The following ABCC6 variants were observed in gnomAD, a reference collection of about 807,000 sequenced individuals.
ABCC6 encodes ATP binding cassette subfamily C member 6.
In ABCC6, 126 loss-of-function variants were observed where a neutral mutation model predicts 169.5. The ratio of observed to expected loss-of-function variants is 0.74; its 90% CI spans 0.64 to 0.86. The LOEUF (loss-of-function observed/expected upper bound fraction) is 0.86. Among genes scored for constraint, ABCC6 ranks in the 40% least tolerant of loss-of-function variants. The pLI, the probability that ABCC6 is intolerant of heterozygous loss-of-function variation, is 0.00. For missense variants in ABCC6, 1,733 were observed against 1,927.2 expected (o/e 0.90, Z 1.89); for synonymous variants, 752 against 814.7 (o/e 0.92, Z 1.31).
Position 16,190,367 on chromosome 16 carries a change from C to A in ABCC6, c.1432G>T (p.Glu478Ter). The change falls in exon 12 of 31, where the codon GAG becomes TAG. Residue 478 changes from glutamate to a stop codon, truncating the protein, a stop_gained and splice_region_variant. Transcript: ENST00000205557. LOFTEE classifies it high-confidence loss of function. ...GAGTCCTTCTGCCTCATTTGCTCCT[C>A]CTGGGATCGGAGGGAAAAAGAGAGA... is the stretch of plus-strand genomic sequence containing the variant. ...FISKKRNHHQ[E>*]EQMRQKDSRA... 6.2e-7 allele frequency: 1 copy of A among 1,614,130 alleles called. No homozygotes were observed. Among genetic ancestry groups the A allele is most frequent in the Admixed American group, 1.7e-5 (1 of 60,016 alleles).
At chr16:16,155,178 C>T in intron 27 of ABCC6, 147 bp from the exon 28 acceptor site, 4 of 922,592 alleles carry the variant, frequency 4.3e-6, no homozygotes, top group Non-Finnish European at 3.2e-6. Flanking sequence ...ATCTGTCTAC[C>T]TTTCTATATA....
rs951701628 is a variant in ABCC6, at chr16:16,168,144, T to C, written c.2995+1502A>G. Among the ~76,000 whole-genome samples the C allele has an allele frequency of 1.2e-4, 5 of 40,006 alleles. No individual in the cohort carries two copies. The Admixed American group carries it at 1.6e-3, about 13-fold the overall frequency. 26.2% of individuals were successfully genotyped at this position (40,006 alleles called of 152,430 possible). ...CACAGCATTTTGGTGATGTGGCCAA[T>C]GTCACCCAGTGAATGAGGACGAATC... is the stretch of plus-strand genomic sequence containing the variant. On this transcript the variant is annotated intron_variant, in intron 22 of 30. Coordinates refer to ENST00000205557, the MANE Select transcript of ABCC6 (RefSeq NM_001171.6).
chr16:16,190,995 CAG>C (rs1479817705), intron 11 of ABCC6, among the ~76,000 whole-genome samples: 1 of 150,892 alleles, frequency 6.6e-6, no homozygotes, highest in Non-Finnish European at 1.5e-5. Flanking sequence ...AGAGGACACT[CAG>C]TGTGACCAGA....
chr16:16,177,501 G>C lies in ABCC6; in HGVS notation c.2541C>G (p.Leu847=). The change falls in exon 19 of 31, where the codon CTC becomes CTG. Residue 847 remains leucine (L), a synonymous_variant. Coordinates refer to ENST00000205557, the MANE Select transcript of ABCC6 (RefSeq NM_001171.6). ...YQELLQRKGA[L]MCLLDQARQP... The stretch of plus-strand genomic sequence containing the variant: ...GTCTGGCTTGATCCAGAAGACACAT[G>C]AGGGCCCCCTTCCTCTGCAGAAGCT... The C allele has an allele frequency of 6.2e-7, 1 of 1,613,816 alleles. No individual in the cohort carries two copies. Among genetic ancestry groups the C allele is most frequent in the Non-Finnish European group, 8.5e-7 (1 of 1,179,832 alleles).
Position 16,149,684 on chromosome 16 carries a change from C to T in ABCC6, c.*449G>A, listed in dbSNP as rs897169316. The T allele has an allele frequency of 4.1e-5, 12 of 295,192 alleles. No homozygotes were observed. Among genetic ancestry groups the T allele is most frequent in the South Asian group, 7.3e-5 (1 of 13,684 alleles). 18.3% of individuals were successfully genotyped at this position (295,192 alleles called of 1,614,324 possible). On this transcript the variant is annotated 3_prime_UTR_variant, in exon 31 of 31. Transcript: ENST00000205557. Reference sequence around the variant, plus strand: ...TGGGTGAAATGGGGTACCAAGTACACGAATCTCTCTATATTATTGTTTCTT... The same window carrying T: ...TGGGTGAAATGGGGTACCAAGTACATGAATCTCTCTATATTATTGTTTCTT...
rs546357270 is a variant in ABCC6 at position 16,169,551 on chromosome 16, G to A, written c.2995+95C>T. 18 of 1,418,568 alleles carry A rather than the reference G, an allele frequency of 1.3e-5. No individual in the cohort carries two copies. In the Middle Eastern group the frequency reaches 7.3e-4, roughly 57 times the overall value. 87.9% of individuals were successfully genotyped at this position (1,418,568 alleles called of 1,614,324 possible). A position where few individuals can be genotyped will look rare whatever the true frequency, so the allele number is the denominator to read the frequency against. ...GACGTTTTGCACACTGTTCCAGGGGGACAGGGTGACCCAGGGAGGGGTGGG... is the reference window on the plus strand; with the variant it reads ...GACGTTTTGCACACTGTTCCAGGGGAACAGGGTGACCCAGGGAGGGGTGGG... On this transcript the variant is annotated intron_variant, in intron 22 of 30. Coordinates refer to ENST00000205557, the MANE Select transcript of ABCC6 (RefSeq NM_001171.6).
chr16:16,179,731 C>T (rs1182789385), intron 17 of ABCC6, among the ~76,000 whole-genome samples: 2 of 152,176 alleles, frequency 1.3e-5, no homozygotes, highest in African/African-American at 4.8e-5. Context: ...GCTGGAATTA[C>T]AGGCACCCAC....
chr16:16,179,026 C>A, intron 17 of ABCC6, 61 bp from the exon 18 acceptor site: 1 of 1,565,470 alleles, frequency 6.4e-7, no homozygotes, highest in East Asian at 2.3e-5. Flanking sequence ...CTGGGGTGCC[C>A]AGGCTGTGGC....
At chr16:16,190,447 C>A (rs1015036939) in intron 11 of ABCC6, 80 bp from the exon 12 acceptor site, 3 of 1,506,056 alleles carry the variant, frequency 2.0e-6, no homozygotes, top group Non-Finnish European at 2.7e-6. Flanking sequence ...CACCCTTCAG[C>A]AAATCCCATT....
intron 26 of ABCC6, 152 bp from the exon 27 acceptor site, chr16:16,157,961 G>A: frequency 1.2e-6 from 1 of 845,092 alleles, no homozygotes. Context: ...ACAAGAGAGG[G>A]CATGGACTAT....
chr16:16,207,020 G>A (rs2048413777), intron 7 of ABCC6, among the ~76,000 whole-genome samples: 1 of 152,182 alleles, frequency 6.6e-6, no homozygotes. Context: ...CACGCCTGTG[G>A]TCCCAGCTAC....
rs1474190534 is a variant in ABCC6, at chr16:16,204,681, G to A, written c.795-1068C>T. Among the ~76,000 whole-genome samples, 5 of 152,188 alleles carry A rather than the reference G, an allele frequency of 3.3e-5. No individual in the cohort carries two copies. In the East Asian group the frequency reaches 9.6e-4, roughly 29 times the overall value. On this transcript the variant is annotated intron_variant, in intron 7 of 30. Coordinates refer to ENST00000205557, the MANE Select transcript of ABCC6 (RefSeq NM_001171.6). Reference sequence around the variant, plus strand: ...CCTGGGCCAGAAAGGAGAGGCTGGGGCGATGCAGCTGCTGACAGTCCGGTT... The same window carrying A: ...CCTGGGCCAGAAAGGAGAGGCTGGGACGATGCAGCTGCTGACAGTCCGGTT...
chr16:16,168,847 G>C lies in ABCC6; in HGVS notation c.2995+799C>G, dbSNP rs149462164. 7.5e-3 allele frequency among the ~76,000 whole-genome samples: 1,149 copies of C among 152,236 alleles called. 16 individuals carry two copies. Among genetic ancestry groups the C allele is most frequent in the African/African-American group, 0.025 (1,039 of 41,524 alleles). ...TGTAATCCCAACACTCTGGGAGGCC[G>C]AGGCGGGCAGATCATTTGAGGTCAG... On this transcript the variant is annotated intron_variant, in intron 22 of 30. Coordinates refer to ENST00000205557, the MANE Select transcript of ABCC6 (RefSeq NM_001171.6).
At chr16:16,198,992 T>TC (rs1177830654) in intron 9 of ABCC6, among the ~76,000 whole-genome samples, 15 of 59,490 alleles carry the variant, frequency 2.5e-4, no homozygotes, top group African/African-American at 7.4e-4. Context: ...AAAATCCATT[T>TC]CGGGGGGGAA....
chr16:16,166,785 G>A (rs1177213655), intron 22 of ABCC6, among the ~76,000 whole-genome samples: 1 of 152,132 alleles, frequency 6.6e-6, no homozygotes, highest in South Asian at 2.1e-4. Flanking sequence ...TAGCTACTCA[G>A]GAGGCTGAGT....
intron 18 of ABCC6, among the ~76,000 whole-genome samples, chr16:16,177,977 G>A (rs1398455707): frequency 2.9e-5 from 4 of 138,120 alleles, no homozygotes; most frequent in Non-Finnish European, 4.7e-5. Context: ...AAAGAAAGAA[G>A]AAAAGAAAAG....
intron 2 of ABCC6, 100 bp downstream of exon 2, chr16:16,221,549 C>G (rs1459483110): frequency 1.9e-6 from 3 of 1,544,190 alleles, no homozygotes; most frequent in South Asian, 1.2e-5. Context: ...CTTCTACACC[C>G]CGATAGGAGG....
intron 4 of ABCC6, among the ~76,000 whole-genome samples, chr16:16,215,302 ATGATC>A (rs1440483330): frequency 6.6e-6 from 1 of 152,198 alleles, no homozygotes; most frequent in Non-Finnish European, 1.5e-5. Flanking sequence ...GGACACGCAG[ATGATC>A]TGGTCCAAAT....
intron 14 of ABCC6, 33 bp from the exon 15 acceptor site, chr16:16,185,067 C>A (rs1158881517): frequency 6.2e-7 from 1 of 1,600,376 alleles, no homozygotes; most frequent in South Asian, 1.1e-5. Flanking sequence ...TACAGGAGAC[C>A]CCTGACCTGG....
Sources: allele counts gnomAD v4.1 joint callset (sites outside exome capture counted in the v4.1 genomes callset), GRCh38; gene constraint gnomAD v4.1.1; transcripts MANE v1.5; gene names NCBI Gene and HGNC (gene_info 2026-07-23, HGNC 2026-07-21).